Variants in TNR observed in about 807,000 individuals in gnomAD.
The protein encoded by TNR is tenascin R, also known as tenascin-R.
Under a neutral mutation model 150.4 loss-of-function variants are expected in TNR, and 45 were observed. That is an observed-to-expected ratio of 0.30 (90% CI 0.24 to 0.38). TNR has a LOEUF of 0.38. Among genes scored for constraint, TNR ranks in the 10% least tolerant of loss-of-function variants. The pLI is 1.00. For missense variants in TNR, 1,544 were observed against 1,759.1 expected, an observed-to-expected ratio of 0.88 and a Z score of 2.19; for synonymous variants, 687 against 678.4, an observed-to-expected ratio of 1.01 and a Z score of -0.20.
At chr1:175,377,337 C>T (rs911447622) in intron 9 of TNR, among the ~76,000 whole-genome samples, 1 of 152,096 alleles carries the variant, frequency 6.6e-6, no homozygotes, top group Non-Finnish European at 1.5e-5. Context: ...GATGTCATGG[C>T]GCATCCTCCA....
intron 18 of TNR, among the ~76,000 whole-genome samples, chr1:175,348,873 G>T (rs1477955911): frequency 6.6e-6 from 1 of 152,146 alleles, no homozygotes; most frequent in Non-Finnish European, 1.5e-5. Context: ...GGTTTCAAAA[G>T]CTCAAATAAT....
At position 175,330,154 on chromosome 1, in the gene TNR, A is replaced by G; in HGVS notation, c.3713T>C (p.Phe1238Ser). Residue 1238 changes from phenylalanine (F) to serine (S), a missense_variant, in exon 21 of 23, where the codon TTC becomes TCC. Phe to Ser is a radical substitution (Grantham distance 155). Coordinates refer to ENST00000367674, the MANE Select transcript of TNR (RefSeq NM_003285.3). Reference protein sequence around the residue: ...VDMRDGQEAAFASYDRFSVED... With the variant: ...VDMRDGQEAASASYDRFSVED... ...GACAGAGAACCTGTCGTAGGAGGCG[A>G]AGGCGGCCTCTTGGCCATCCCGCAT... The G allele has an allele frequency of 6.2e-7, 1 of 1,613,654 alleles. No individual in the cohort carries two copies. The highest frequency in any genetic ancestry group is 2.2e-5 in the East Asian group (1 of 44,862).
rs1021108727 is a variant in TNR, at chr1:175,323,365, G to T, written c.4069C>A (p.Gln1357Lys). The stretch of plus-strand genomic sequence containing the variant: ...TTGCAGCCGCCCACTGCTCAGAACT[G>T]TAAGGACTGCCGTTTTCTCCCTGCC... ...LMAGRKRQSLQF is the reference protein window; with the variant it reads ...LMAGRKRQSLKF The change falls in exon 23 of 23, where the codon CAG becomes AAG. Residue 1357 changes from glutamine (Q) to lysine (K), a missense_variant. Coordinates refer to ENST00000367674, the MANE Select transcript of TNR (RefSeq NM_003285.3). 3.1e-6 allele frequency: 5 copies of T among 1,614,114 alleles called. No individual in the cohort carries two copies. The highest frequency in any genetic ancestry group is 4.2e-6 in the Non-Finnish European group (5 of 1,179,972).
In TNR at chr1:175,428,206, T is replaced by C. The variant is rs534195613; in HGVS notation, c.-63-21429A>G. Among the ~76,000 whole-genome samples the C allele has an allele frequency of 2.2e-4, 34 of 152,336 alleles. 1 individual carries two copies. Among genetic ancestry groups the C allele is most frequent in the African/African-American group, 8.2e-4 (34 of 41,586 alleles). On this transcript the variant is annotated intron_variant, in intron 2 of 22. Transcript: ENST00000367674. ...CTAAGGGAATTTTTAGGGAAGCTTT[T>C]CATCAGATCTAGAAGATAATTTGGT...
intron 2 of TNR, among the ~76,000 whole-genome samples, chr1:175,479,559 C>T (rs956085136): frequency 2.0e-5 from 3 of 152,236 alleles, no homozygotes; most frequent in Non-Finnish European, 4.4e-5. Context: ...TTCCATGAGC[C>T]CCATCAGCAA....
At chr1:175,468,563 G>C (rs1467024546) in intron 2 of TNR, among the ~76,000 whole-genome samples, 1 of 152,126 alleles carries the variant, frequency 6.6e-6, no homozygotes, top group Non-Finnish European at 1.5e-5. Flanking sequence ...ACACAGAGTA[G>C]GTGGAATTAA....
At chr1:175,474,713 A>T (rs1429312666) in intron 2 of TNR, among the ~76,000 whole-genome samples, 2 of 152,196 alleles carry the variant, frequency 1.3e-5, no homozygotes, top group Non-Finnish European at 2.9e-5. Context: ...AGTGCTTTTA[A>T]TGTTGCCGCT....
At chr1:175,689,829 G>T (rs1666308606) in intron 1 of TNR, among the ~76,000 whole-genome samples, 1 of 152,180 alleles carries the variant, frequency 6.6e-6, no homozygotes, top group Non-Finnish European at 1.5e-5. Context: ...CAGGCAGAGG[G>T]TTTCTTTCTC....
intron 8 of TNR, among the ~76,000 whole-genome samples, chr1:175,381,546 G>A (rs1652681073): frequency 6.6e-6 from 1 of 152,202 alleles, no homozygotes; most frequent in Non-Finnish European, 1.5e-5. Context: ...GTTAGAGCTA[G>A]GACAAGGTGA....
intron 1 of TNR, among the ~76,000 whole-genome samples, chr1:175,622,775 T>C (rs1664021973): frequency 6.6e-6 from 1 of 152,234 alleles, no homozygotes; most frequent in Non-Finnish European, 1.5e-5. Context: ...AGGGCTATGA[T>C]GCCTCTGAAA....
chr1:175,729,984 C>T (rs909107549), intron 1 of TNR, among the ~76,000 whole-genome samples: 2 of 152,186 alleles, frequency 1.3e-5, no homozygotes, highest in Admixed American at 1.3e-4. Context: ...AGGCAACAAG[C>T]TTGCATCCTA....
intron 3 of TNR, among the ~76,000 whole-genome samples, chr1:175,404,198 T>C (rs1434755952): frequency 6.6e-6 from 1 of 152,186 alleles, no homozygotes; most frequent in Non-Finnish European, 1.5e-5. Context: ...CTCACCAGGA[T>C]GCCCAGGTGC....
chr1:175,516,352 A>G (rs1473299763), intron 2 of TNR, among the ~76,000 whole-genome samples: 1 of 152,222 alleles, frequency 6.6e-6, no homozygotes, highest in Admixed American at 6.5e-5. Flanking sequence ...TGGAAGGTTA[A>G]TGAATGATTA....
chr1:175,556,626 C>G (rs1184129376), intron 1 of TNR: 1 of 152,898 alleles, frequency 6.5e-6, no homozygotes, highest in Non-Finnish European at 1.5e-5. Context: ...TGTTTAGCCT[C>G]TCAGCCTCCC....
At chr1:175,624,181 T>A (rs543748987) in intron 1 of TNR, among the ~76,000 whole-genome samples, 3 of 152,294 alleles carry the variant, frequency 2.0e-5, no homozygotes, top group Admixed American at 6.5e-5. Flanking sequence ...TGGTGGTACC[T>A]CTTAATGTAT....
intron 1 of TNR, among the ~76,000 whole-genome samples, chr1:175,586,676 C>A (rs1662588086): frequency 6.6e-6 from 1 of 152,098 alleles, no homozygotes; most frequent in African/African-American, 2.4e-5. Context: ...CATAAATAGC[C>A]CTCCAACCTA....
At chr1:175,352,830 A>G (rs1390373527) in intron 18 of TNR, among the ~76,000 whole-genome samples, 1 of 152,260 alleles carries the variant, frequency 6.6e-6, no homozygotes, top group East Asian at 1.9e-4. Flanking sequence ...CGCACTCTAT[A>G]GAACCACTGG....
At chr1:175,636,257 G>A (rs1229600683) in intron 1 of TNR, among the ~76,000 whole-genome samples, 1 of 152,266 alleles carries the variant, frequency 6.6e-6, no homozygotes, top group Non-Finnish European at 1.5e-5. Flanking sequence ...GATGATAGTG[G>A]TGATAATAAA....
chr1:175,730,152 C>A (rs1667598360), intron 1 of TNR, among the ~76,000 whole-genome samples: 1 of 152,134 alleles, frequency 6.6e-6, no homozygotes, highest in Non-Finnish European at 1.5e-5. Context: ...CTTCTCTGTT[C>A]CAGCCACATC....
Sources: allele counts gnomAD v4.1 joint callset (sites outside exome capture counted in the v4.1 genomes callset), GRCh38; gene constraint gnomAD v4.1.1; transcripts MANE v1.5; gene names NCBI Gene and HGNC (gene_info 2026-07-23, HGNC 2026-07-21).